Variants in XYLT1 observed in about 807,000 individuals in gnomAD.
XYLT1 encodes beta-D-xylosyltransferase 1.
Under a neutral mutation model 91.3 loss-of-function variants are expected in XYLT1, and 36 were observed. The ratio of observed to expected loss-of-function variants is 0.39; its 90% CI spans 0.30 to 0.52. XYLT1 has a LOEUF of 0.52. Ranked by LOEUF, XYLT1 falls within the 20% of genes least tolerant of loss-of-function variation. XYLT1 has a pLI of 0.68. For missense variants in XYLT1, 1,242 were observed against 1,284.5 expected (o/e 0.97, Z 0.51); for synonymous variants, 588 against 532.0 (o/e 1.11, Z -1.45).
chr16:17,435,191 C>T (rs2036441556), intron 1 of XYLT1, among the ~76,000 whole-genome samples: 2 of 152,228 alleles, frequency 1.3e-5, no homozygotes, highest in Non-Finnish European at 2.9e-5. Flanking sequence ...AGTGTCAGTA[C>T]ATTAAGAACC....
intron 3 of XYLT1, among the ~76,000 whole-genome samples, chr16:17,201,838 G>A (rs774574203): frequency 1.3e-5 from 2 of 152,062 alleles, no homozygotes; most frequent in Non-Finnish European, 2.9e-5. Flanking sequence ...GTTCCCACAC[G>A]GAGAGAGGTT....
intron 5 of XYLT1, among the ~76,000 whole-genome samples, chr16:17,179,402 A>T (rs2032016349): frequency 6.6e-6 from 1 of 152,186 alleles, no homozygotes; most frequent in African/African-American, 2.4e-5. Context: ...AAGTTTGTTG[A>T]TCCCTCGCCT....
At chr16:17,340,962 A>T (rs943256781) in intron 2 of XYLT1, among the ~76,000 whole-genome samples, 18 of 152,230 alleles carry the variant, frequency 1.2e-4, no homozygotes, top group Admixed American at 5.2e-4. Flanking sequence ...GCAGCAAGAT[A>T]CTGTTTTTAC....
intron 2 of XYLT1, among the ~76,000 whole-genome samples, chr16:17,338,741 CAACT>C (rs763796579): frequency 2.0e-5 from 3 of 152,140 alleles, no homozygotes; most frequent in Non-Finnish European, 2.9e-5. Context: ...CCCACCACCA[CAACT>C]AACTAATTTT....
chr16:17,358,240 C>G (rs2141863059), intron 1 of XYLT1, among the ~76,000 whole-genome samples, 190 bp from the exon 2 acceptor site: 2 of 151,644 alleles, frequency 1.3e-5, no homozygotes, highest in Middle Eastern at 6.8e-3. Context: ...CTCAAGTGAT[C>G]CTCCCACCTC....
At chr16:17,207,479 G>T (rs762762744) in intron 3 of XYLT1, among the ~76,000 whole-genome samples, 1 of 152,092 alleles carries the variant, frequency 6.6e-6, no homozygotes, top group African/African-American at 2.4e-5. Context: ...TGGGGGAGAG[G>T]CCTCAATGAA....
intron 1 of XYLT1, among the ~76,000 whole-genome samples, chr16:17,374,571 G>A (rs914216079): frequency 2.0e-5 from 3 of 151,342 alleles, no homozygotes; most frequent in Non-Finnish European, 4.4e-5. Flanking sequence ...TAACCCACAC[G>A]GTCTAAGACA....
chr16:17,417,579 T>C (rs1303682413), intron 1 of XYLT1, among the ~76,000 whole-genome samples: 2 of 152,310 alleles, frequency 1.3e-5, no homozygotes, highest in African/African-American at 2.4e-5. Flanking sequence ...CTGCTGCTTC[T>C]GCATCAGGAC....
At chr16:17,318,539 G>A (rs147984018) in intron 2 of XYLT1, among the ~76,000 whole-genome samples, 128 of 152,308 alleles carry the variant, frequency 8.4e-4, no homozygotes, top group African/African-American at 3.0e-3. Context: ...CCTGTTTCCC[G>A]CATGCAAAGA....
Position 17,334,345 on chromosome 16 carries a change from T to A in XYLT1, c.402+23667A>T, listed in dbSNP as rs114711626. On this transcript the variant is annotated intron_variant, in intron 2 of 11. Transcript: ENST00000261381. ...CTTGGGCTTACACGGGTCTATGACG[T>A]CCTGGAGTACAGACTGCCAAGTCCC... is the stretch of plus-strand genomic sequence containing the variant. Among the ~76,000 whole-genome samples the A allele has an allele frequency of 2.7e-3, 417 of 152,280 alleles. 1 individual carries two copies. Among genetic ancestry groups the A allele is most frequent in the African/African-American group, 9.6e-3 (397 of 41,544 alleles).
At chr16:17,456,397 G>A (rs185462966) in intron 1 of XYLT1, among the ~76,000 whole-genome samples, 2 of 149,684 alleles carry the variant, frequency 1.3e-5, no homozygotes, top group Admixed American at 1.3e-4. Context: ...GAGTGCAGTG[G>A]TGCGATCACG....
chr16:17,468,262 G>A (rs548813360), intron 1 of XYLT1, among the ~76,000 whole-genome samples: 1 of 152,148 alleles, frequency 6.6e-6, no homozygotes, highest in East Asian at 1.9e-4. Flanking sequence ...TAGGTGTGGG[G>A]GGAGAGGAAA....
chr16:17,148,133 A>G (rs566061711), intron 6 of XYLT1, among the ~76,000 whole-genome samples: 1 of 152,364 alleles, frequency 6.6e-6, no homozygotes, highest in Admixed American at 6.5e-5. Context: ...GATAAGCCCC[A>G]TGACACCTGT....
At chr16:17,131,867 T>C (rs891773290) in intron 9 of XYLT1, among the ~76,000 whole-genome samples, 2 of 152,086 alleles carry the variant, frequency 1.3e-5, no homozygotes, top group African/African-American at 4.8e-5. Context: ...GGGATAAGGG[T>C]CTTTTGTCCT....
Position 17,103,289 on chromosome 16 carries a change from G to C in XYLT1, c.*5406C>G, listed in dbSNP as rs1293710177. 1.3e-5 allele frequency: 2 copies of C among 152,658 alleles called. No individual in the cohort carries two copies. Among genetic ancestry groups the C allele is most frequent in the African/African-American group, 4.8e-5 (2 of 41,446 alleles). 9.5% of individuals were successfully genotyped at this position (152,658 alleles called of 1,614,324 possible). A position where few individuals can be genotyped will look rare whatever the true frequency, so the allele number is the denominator to read the frequency against. The stretch of plus-strand genomic sequence containing the variant: ...TTTCAAGCACTCTGCCGATAATTAA[G>C]CCAGCCCATTACAGCAGCAGTATGC... On this transcript the variant is annotated 3_prime_UTR_variant, in exon 12 of 12. Coordinates refer to ENST00000261381, the MANE Select transcript of XYLT1 (RefSeq NM_022166.4).
intron 5 of XYLT1, among the ~76,000 whole-genome samples, chr16:17,170,154 G>A (rs13334142): frequency 0.28 from 43,044 of 152,082 alleles, 6,726 homozygotes; most frequent in South Asian, 0.47. Flanking sequence ...TAGCAGGTGC[G>A]CAGTAACTGG....
rs267604424 is a variant in XYLT1 at position 17,200,559 on chromosome 16, G to A, written c.1009C>T (p.Arg337Cys). 6 of 1,614,206 alleles carry A rather than the reference G, an allele frequency of 3.7e-6. No homozygotes were observed. The highest frequency in any genetic ancestry group is 3.3e-5 in the South Asian group (3 of 91,084). ...ATGCGCTGCAACTGCCGAGAGGCAC[G>A]GCCGTGGACCACCAGGACAAAGGCG... is the stretch of plus-strand genomic sequence containing the variant. Reference protein sequence around the residue: ...RIAFVLVVHGRASRQLQRMFK... With the variant: ...RIAFVLVVHGCASRQLQRMFK... The change falls in exon 4 of 12, where the codon CGT becomes TGT. Residue 337 changes from arginine (R) to cysteine (C), a missense_variant. Arg to Cys is a radical substitution (Grantham distance 180, BLOSUM62 -3). Around this residue, in one of 3 missense-constraint regions of XYLT1, gnomAD observed 294 missense variants for 376.0 expected, o/e 0.78. Transcript: ENST00000261381.
In XYLT1 at chr16:17,139,153, A is replaced by ACAAT. The variant is rs199998784; in HGVS notation, c.1588-626_1588-623dup. ...TCTGAAAAGAAAAACTAGAGGAGAA[A>ACAAT]CAATCAATCACTGGAGTACTTGAGA... On this transcript the variant is annotated intron_variant, in intron 7 of 11. Coordinates refer to ENST00000261381, the MANE Select transcript of XYLT1 (RefSeq NM_022166.4). 8.8e-3 allele frequency among the ~76,000 whole-genome samples: 1,346 copies of ACAAT among 152,314 alleles called. 15 individuals carry two copies. The highest frequency in any genetic ancestry group is 0.03 in the African/African-American group (1,228 of 41,560).
At chr16:17,243,928 G>C (rs145793514) in intron 3 of XYLT1, among the ~76,000 whole-genome samples, 1 of 152,106 alleles carries the variant, frequency 6.6e-6, no homozygotes, top group African/African-American at 2.4e-5. Context: ...GCTTGGCCAC[G>C]GCACCATGGA....
Sources: allele counts gnomAD v4.1 joint callset (sites outside exome capture counted in the v4.1 genomes callset), GRCh38; gene constraint gnomAD v4.1.1; regional missense constraint gnomAD v4.1.1; transcripts MANE v1.5; gene names NCBI Gene and HGNC (gene_info 2026-07-23, HGNC 2026-07-21).